Variants in TNR observed in about 807,000 individuals in gnomAD.
TNR encodes the protein tenascin-R.
In TNR, 45 loss-of-function variants were observed where a neutral mutation model predicts 150.4. That is an observed-to-expected ratio of 0.30 (90% CI 0.24 to 0.38). The LOEUF (loss-of-function observed/expected upper bound fraction) is 0.38, where lower values mean the gene tolerates loss of function less well. TNR is among the 10% of genes least tolerant of loss of function. The pLI, the probability that TNR is intolerant of heterozygous loss-of-function variation, is 1.00. For synonymous variants in TNR, 687 were observed against 678.4 expected, an observed-to-expected ratio of 1.01 and a Z score of -0.20; for missense variants, 1,544 against 1,759.1, an observed-to-expected ratio of 0.88 and a Z score of 2.19.
At chr1:175,705,070 C>T (rs1423555453) in intron 1 of TNR, among the ~76,000 whole-genome samples, 6 of 152,170 alleles carry the variant, frequency 3.9e-5, no homozygotes, top group East Asian at 1.9e-4. Context: ...AGGTCTCAAA[C>T]GTGAGCGCCT....
At chr1:175,405,095 G>A (rs535557608) in intron 3 of TNR, among the ~76,000 whole-genome samples, 7 of 152,290 alleles carry the variant, frequency 4.6e-5, no homozygotes, top group Non-Finnish European at 7.4e-5. Flanking sequence ...GGATCCTATA[G>A]AGGTGAGTGC....
At chr1:175,626,104 A>G (rs1269596928) in intron 1 of TNR, among the ~76,000 whole-genome samples, 1 of 152,162 alleles carries the variant, frequency 6.6e-6, no homozygotes, top group Non-Finnish European at 1.5e-5. Context: ...TGCCACTGCC[A>G]TGTAAGAAGT....
chr1:175,373,341 G>A (rs765498013), intron 9 of TNR, among the ~76,000 whole-genome samples: 9 of 152,182 alleles, frequency 5.9e-5, no homozygotes, highest in Admixed American at 1.3e-4. Context: ...GATATGTGGA[G>A]AATATCTTTG....
chr1:175,601,209 C>A (rs1466433384), intron 1 of TNR, among the ~76,000 whole-genome samples: 1 of 152,242 alleles, frequency 6.6e-6, no homozygotes, highest in Admixed American at 6.5e-5. Context: ...AAAACCGCCA[C>A]ATCCTGCACT....
chr1:175,634,992 C>T (rs1458235151), intron 1 of TNR, among the ~76,000 whole-genome samples: 1 of 152,210 alleles, frequency 6.6e-6, no homozygotes, highest in East Asian at 1.9e-4. Context: ...GGGTCCCTAC[C>T]TAGCCCCTCC....
rs560742768 is a variant in TNR at position 175,687,316 on chromosome 1, G to C, written c.-165+55910C>G. The stretch of plus-strand genomic sequence containing the variant: ...TTTCTTATCTCTTAGAGCCCCCTTC[G>C]TGCCCTTAAGTTTCTCTAAGACACC... On this transcript the variant is annotated intron_variant, in intron 1 of 22. Transcript: ENST00000367674. Among the ~76,000 whole-genome samples, 8 of 152,066 alleles carry C rather than the reference G, an allele frequency of 5.3e-5. No homozygotes were observed. The South Asian group carries it at 1.5e-3, about 28-fold the overall frequency.
rs181120862 is a variant in TNR at position 175,489,843 on chromosome 1, G to T, written c.-64+38426C>A. Reference sequence around the variant, plus strand: ...TACTTTTTTCCAACTTCAACCGAAAGAACTATACATTTTCAATCCATGTTA... The same window carrying T: ...TACTTTTTTCCAACTTCAACCGAAATAACTATACATTTTCAATCCATGTTA... On this transcript the variant is annotated intron_variant, in intron 2 of 22. Coordinates refer to ENST00000367674, the MANE Select transcript of TNR (RefSeq NM_003285.3). 2.6e-3 allele frequency among the ~76,000 whole-genome samples: 400 copies of T among 152,104 alleles called. 1 individual carries two copies. The highest frequency in any genetic ancestry group is 9.2e-3 in the African/African-American group (382 of 41,474).
Position 175,331,062 on chromosome 1 carries a change from T to TTTCTTTCTTTCCTTC in TNR, c.3632-828_3632-827insGAAGGAAAGAAAGAA, listed in dbSNP as rs1557867840. Among the ~76,000 whole-genome samples, 86 of 124,054 alleles carry TTTCTTTCTTTCCTTC rather than the reference T, an allele frequency of 6.9e-4. 1 individual carries two copies. Among genetic ancestry groups the TTTCTTTCTTTCCTTC allele is most frequent in the Non-Finnish European group, 1.0e-3 (60 of 60,172 alleles). The allele number at this position is 124,054 out of a possible 152,430, so 81.4% of individuals were successfully genotyped here. On this transcript the variant is annotated intron_variant, in intron 20 of 22. Coordinates refer to ENST00000367674, the MANE Select transcript of TNR (RefSeq NM_003285.3). ...CTTTCTTTCTTTCTTTCTTTCTTTC[T>TTTCTTTCTTTCCTTC]TTCTTTCTTTCTTTCCTTCTTTCTT...
chr1:175,511,536 A>G (rs191060530), intron 2 of TNR, among the ~76,000 whole-genome samples: 6 of 152,326 alleles, frequency 3.9e-5, no homozygotes, highest in Non-Finnish European at 8.8e-5. Flanking sequence ...CATTCCCTCT[A>G]TGATGACCCT....
At chr1:175,637,476 T>C (rs1664520994) in intron 1 of TNR, among the ~76,000 whole-genome samples, 1 of 152,208 alleles carries the variant, frequency 6.6e-6, no homozygotes, top group African/African-American at 2.4e-5. Flanking sequence ...TTTGGACTCA[T>C]ACCCACCCTA....
intron 1 of TNR, among the ~76,000 whole-genome samples, chr1:175,677,850 A>G (rs1368165894): frequency 6.6e-6 from 1 of 152,122 alleles, no homozygotes; most frequent in African/African-American, 2.4e-5. Flanking sequence ...AAAACGGCAA[A>G]GGGCTACCGA....
At chr1:175,333,115 GC>G (rs1650030959) in intron 20 of TNR, among the ~76,000 whole-genome samples, 1 of 152,046 alleles carries the variant, frequency 6.6e-6, no homozygotes, top group South Asian at 2.1e-4. Flanking sequence ...GCAACAACAG[GC>G]TTGGAGTCCC....
chr1:175,457,242 G>A (rs527631077), intron 2 of TNR, among the ~76,000 whole-genome samples: 7 of 152,338 alleles, frequency 4.6e-5, no homozygotes, highest in African/African-American at 1.4e-4. Flanking sequence ...GCTACTGGTC[G>A]GTTAGGGAGA....
intron 1 of TNR, among the ~76,000 whole-genome samples, chr1:175,692,210 G>A (rs1018461085): frequency 2.0e-5 from 3 of 152,116 alleles, no homozygotes; most frequent in African/African-American, 7.2e-5. Context: ...CAAGAAGAGG[G>A]GCCATTGAAG....
At chr1:175,337,864 G>A (rs1650324241) in intron 18 of TNR, among the ~76,000 whole-genome samples, 185 bp from the exon 19 acceptor site, 2 of 152,210 alleles carry the variant, frequency 1.3e-5, no homozygotes, top group Admixed American at 6.5e-5. Context: ...TTCCACAACT[G>A]TTGTTAGACT....
At chr1:175,515,728 A>G (rs779676952) in intron 2 of TNR, among the ~76,000 whole-genome samples, 56 of 152,186 alleles carry the variant, frequency 3.7e-4, no homozygotes, top group Admixed American at 7.2e-4. Flanking sequence ...CTGTGGGGAA[A>G]GTGTCCTGAC....
chr1:175,658,497 G>A (rs1032547550), intron 1 of TNR, among the ~76,000 whole-genome samples: 15 of 152,248 alleles, frequency 9.9e-5, no homozygotes, highest in South Asian at 2.1e-4. Flanking sequence ...CCTCACCTTC[G>A]GCACAGCTGC....
At chr1:175,601,422 A>G (rs180758897) in intron 1 of TNR, among the ~76,000 whole-genome samples, 1 of 152,356 alleles carries the variant, frequency 6.6e-6, no homozygotes, top group East Asian at 1.9e-4. Flanking sequence ...TCTAGTCATC[A>G]TGGCAGAAGA....
intron 1 of TNR, among the ~76,000 whole-genome samples, chr1:175,635,927 T>A (rs1391109503): frequency 6.6e-6 from 1 of 152,212 alleles, no homozygotes; most frequent in Non-Finnish European, 1.5e-5. Flanking sequence ...TACACAGATA[T>A]CATACATACT....
Sources: allele counts gnomAD v4.1 joint callset (sites outside exome capture counted in the v4.1 genomes callset), GRCh38; gene constraint gnomAD v4.1.1; transcripts MANE v1.5; gene names NCBI Gene and HGNC (gene_info 2026-07-23, HGNC 2026-07-21).